CMTM7: variants seen among roughly 807,000 people sequenced by gnomAD.
The protein encoded by CMTM7 is CKLF-like MARVEL transmembrane domain-containing protein 7.
A neutral mutation model predicts 19.3 loss-of-function variants in CMTM7; 7 were observed. The observed-to-expected ratio is 0.36, with a 90% CI of 0.21 to 0.68. CMTM7 has a LOEUF of 0.68. Among genes scored for constraint, CMTM7 ranks in the 30% least tolerant of loss-of-function variants. The pLI is 0.60. For missense variants in CMTM7, 193 were observed against 232.6 expected (o/e 0.83, Z 1.11); for synonymous variants, 87 against 99.3 (o/e 0.88, Z 0.74).
At chr3:32,415,129 C>T (rs977344544) in intron 1 of CMTM7, among the ~76,000 whole-genome samples, 1 of 152,032 alleles carries the variant, frequency 6.6e-6, no homozygotes, top group Non-Finnish European at 1.5e-5. Context: ...GGATTAAAAA[C>T]TCCTCTGGCT....
At chr3:32,399,270 T>G (rs947505040) in intron 1 of CMTM7, among the ~76,000 whole-genome samples, 6 of 152,070 alleles carry the variant, frequency 3.9e-5, no homozygotes, top group South Asian at 2.1e-4. Flanking sequence ...TTTGTTTTTT[T>G]TTTTTTTTGG....
At position 32,454,661 on chromosome 3, in the gene CMTM7, T is replaced by G. The variant is rs1288446142; in HGVS notation, c.*407T>G. Reference sequence around the variant, plus strand: ...TTAAGAAACAAAGCCCTGTCCTAATTTATCTAGCTTGTCAGTCCGGTCTTA... The same window carrying G: ...TTAAGAAACAAAGCCCTGTCCTAATGTATCTAGCTTGTCAGTCCGGTCTTA... On this transcript the variant is annotated 3_prime_UTR_variant, in exon 5 of 5. Coordinates refer to ENST00000334983, the MANE Select transcript of CMTM7 (RefSeq NM_138410.4). The G allele has an allele frequency of 1.1e-5, 4 of 367,350 alleles. No individual in the cohort carries two copies. In the Admixed American group the frequency reaches 1.5e-4, roughly 14 times the overall value. The allele number at this position is 367,350 out of a possible 1,614,324, so 22.8% of individuals were successfully genotyped here. A position where few individuals can be genotyped will look rare whatever the true frequency, so the allele number is the denominator to read the frequency against.
intron 1 of CMTM7, among the ~76,000 whole-genome samples, chr3:32,411,403 A>T (rs2125625335): frequency 6.6e-6 from 1 of 152,260 alleles, no homozygotes. Flanking sequence ...TATCCCTAAA[A>T]TTTTTTTACA....
At chr3:32,410,369 A>G (rs1179550472) in intron 1 of CMTM7, among the ~76,000 whole-genome samples, 1 of 152,234 alleles carries the variant, frequency 6.6e-6, no homozygotes, top group African/African-American at 2.4e-5. Context: ...TCTTTTTTCA[A>G]ATGAACACAT....
chr3:32,433,580 C>T (rs146962832), intron 1 of CMTM7, among the ~76,000 whole-genome samples: 5 of 152,296 alleles, frequency 3.3e-5, no homozygotes, highest in African/African-American at 9.6e-5. Flanking sequence ...CCAAAAGTCA[C>T]CTCTTCTCCT....
intron 4 of CMTM7, among the ~76,000 whole-genome samples, chr3:32,453,988 G>T (rs147736966): frequency 4.6e-5 from 7 of 152,304 alleles, no homozygotes; most frequent in African/African-American, 7.2e-5. Context: ...TGGCTAAAAG[G>T]CTTGGGAGGT....
At chr3:32,404,321 C>T (rs1164900607) in intron 1 of CMTM7, among the ~76,000 whole-genome samples, 3 of 151,872 alleles carry the variant, frequency 2.0e-5, no homozygotes, top group African/African-American at 7.3e-5. Flanking sequence ...CCACCATGCC[C>T]TGCTAATTTT....
At chr3:32,442,111 C>T in intron 2 of CMTM7, 98 bp downstream of exon 2, 2 of 1,096,318 alleles carry the variant, frequency 1.8e-6, no homozygotes, top group Non-Finnish European at 1.3e-6. Flanking sequence ...GCCCATCTCA[C>T]CTCTTTAACC....
intron 1 of CMTM7, among the ~76,000 whole-genome samples, chr3:32,434,645 A>G (rs1057256010): frequency 6.0e-5 from 9 of 150,960 alleles, no homozygotes; most frequent in Non-Finnish European, 1.2e-4. Flanking sequence ...GATAGAAAAC[A>G]AGACACAAAA....
At position 32,454,574 on chromosome 3, in the gene CMTM7, G is replaced by C. The variant is rs1447846085; in HGVS notation, c.*320G>C. The C allele has an allele frequency of 2.3e-5, 13 of 571,134 alleles. No homozygotes were observed. The highest frequency in any genetic ancestry group is 4.2e-5 in the Non-Finnish European group (13 of 306,122). The allele number at this position is 571,134 out of a possible 1,614,324, so 35.4% of individuals were successfully genotyped here. ...ATGAACCCCACTTAGCACAGCTGAA[G>C]GGGTTTGTGAATACTCCCGCCTAAA... On this transcript the variant is annotated 3_prime_UTR_variant, in exon 5 of 5. Transcript: ENST00000334983.
chr3:32,418,017 TC>T (rs1344315027), intron 1 of CMTM7, among the ~76,000 whole-genome samples: 1 of 152,206 alleles, frequency 6.6e-6, no homozygotes, highest in Non-Finnish European at 1.5e-5. Flanking sequence ...AGACCAGGTT[TC>T]CCTGTGTTGC....
At chr3:32,408,730 A>G (rs1413592227) in intron 1 of CMTM7, among the ~76,000 whole-genome samples, 1 of 152,202 alleles carries the variant, frequency 6.6e-6, no homozygotes, top group Non-Finnish European at 1.5e-5. Flanking sequence ...GCATCCTAGT[A>G]GAATCTTTAA....
chr3:32,443,657 G>T (rs1696712967), intron 2 of CMTM7, among the ~76,000 whole-genome samples: 1 of 152,194 alleles, frequency 6.6e-6, no homozygotes, highest in Admixed American at 6.5e-5. Context: ...GTATGCCAAA[G>T]TGGCTCACTG....
intron 1 of CMTM7, among the ~76,000 whole-genome samples, chr3:32,431,218 G>A (rs758202594): frequency 1.1e-4 from 16 of 152,168 alleles, no homozygotes; most frequent in South Asian, 8.3e-4. Flanking sequence ...GTATGATCCC[G>A]TTTTTGAAAA....
rs1455875544 is a variant in CMTM7 at position 32,452,387 on chromosome 3, T to G, written c.433-5T>G. ...TGAACTTCCTCTCCCCTCTCTCCACTGCAGATCTTTGGTTTCATGGCCACC... is the reference window on the plus strand; with the variant it reads ...TGAACTTCCTCTCCCCTCTCTCCACGGCAGATCTTTGGTTTCATGGCCACC... On this transcript the variant is annotated splice_polypyrimidine_tract_variant and splice_region_variant and intron_variant, in intron 3 of 4. Coordinates refer to ENST00000334983, the MANE Select transcript of CMTM7 (RefSeq NM_138410.4). 15 of 1,614,174 alleles carry G rather than the reference T, an allele frequency of 9.3e-6. No homozygotes were observed. The highest frequency in any genetic ancestry group is 1.3e-5 in the Non-Finnish European group (15 of 1,180,022).
chr3:32,426,017 C>T (rs576331881), intron 1 of CMTM7, among the ~76,000 whole-genome samples: 4 of 152,272 alleles, frequency 2.6e-5, no homozygotes, highest in South Asian at 2.1e-4. Flanking sequence ...TGGTGGCGCA[C>T]GCCTATAATC....
chr3:32,452,915 T>C (rs1161655219), intron 4 of CMTM7, among the ~76,000 whole-genome samples: 1 of 137,908 alleles, frequency 7.3e-6, no homozygotes, highest in Non-Finnish European at 1.5e-5. Context: ...CATGCCTAAT[T>C]TCAATTTTTT....
intron 1 of CMTM7, among the ~76,000 whole-genome samples, chr3:32,402,631 C>T (rs868560960): frequency 9.9e-5 from 15 of 152,262 alleles, no homozygotes; most frequent in Middle Eastern, 3.4e-3. Context: ...GGCATGATCT[C>T]GGCTCACTGT....
At chr3:32,441,282 G>A (rs1559413322) in intron 1 of CMTM7, among the ~76,000 whole-genome samples, 3 of 152,160 alleles carry the variant, frequency 2.0e-5, no homozygotes, top group South Asian at 4.1e-4. Context: ...TATGAACATG[G>A]GGATGATTTT....
Sources: allele counts gnomAD v4.1 joint callset (sites outside exome capture counted in the v4.1 genomes callset), GRCh38; gene constraint gnomAD v4.1.1; transcripts MANE v1.5; gene names NCBI Gene and HGNC (gene_info 2026-07-23, HGNC 2026-07-21).